The following DGCR2 variants were observed in gnomAD, a reference collection of about 807,000 sequenced individuals.
DGCR2 encodes the protein DiGeorge syndrome critical region gene 2.
In DGCR2, 24 loss-of-function variants were observed where a neutral mutation model predicts 51.6. That is an observed-to-expected ratio of 0.47 (90% CI 0.34 to 0.65). The LOEUF (loss-of-function observed/expected upper bound fraction) is 0.65, where lower values mean the gene tolerates loss of function less well. DGCR2 is among the 30% of genes least tolerant of loss of function. The pLI is 0.01. For synonymous variants in DGCR2, 340 were observed against 315.4 expected, an observed-to-expected ratio of 1.08 and a Z score of -0.82; for missense variants, 765 against 772.1, an observed-to-expected ratio of 0.99 and a Z score of 0.11.
chr22:19,100,202 G>T (rs769307031), intron 1 of DGCR2, among the ~76,000 whole-genome samples: 3 of 151,708 alleles, frequency 2.0e-5, no homozygotes, highest in Non-Finnish European at 4.4e-5. Flanking sequence ...CCGGGGAGGC[G>T]AGGTTGCAGT....
intron 1 of DGCR2, among the ~76,000 whole-genome samples, chr22:19,114,824 T>C (rs1419450256): frequency 1.3e-5 from 2 of 152,032 alleles, no homozygotes; most frequent in African/African-American, 2.4e-5. Flanking sequence ...GAGGGCAGGG[T>C]CTACCTGGGG....
intron 2 of DGCR2, among the ~76,000 whole-genome samples, chr22:19,073,907 C>T (rs917512832): frequency 6.6e-6 from 1 of 152,162 alleles, no homozygotes; most frequent in Non-Finnish European, 1.5e-5. Context: ...GTGAGAGTGA[C>T]TGATTCTCCC....
intron 2 of DGCR2, among the ~76,000 whole-genome samples, chr22:19,070,165 G>A (rs531283163): frequency 5.3e-5 from 8 of 152,252 alleles, no homozygotes; most frequent in African/African-American, 1.9e-4. Flanking sequence ...TAGGAGACTC[G>A]ACCCACAGAC....
intron 7 of DGCR2, chr22:19,045,221 C>T (rs1640039983): frequency 1.3e-5 from 2 of 152,242 alleles, no homozygotes; most frequent in Admixed American, 1.3e-4. Flanking sequence ...TATCCTTTCT[C>T]CACTGAACTG....
intron 1 of DGCR2, among the ~76,000 whole-genome samples, chr22:19,113,859 G>A (rs2083344011): frequency 6.6e-6 from 1 of 152,098 alleles, no homozygotes; most frequent in South Asian, 2.1e-4. Flanking sequence ...GGGAGTTTGA[G>A]ACCAGCCCAG....
rs367842218 is a variant in DGCR2, at chr22:19,089,384, G to A, written c.186C>T (p.Asp62=). ...CACACTCACCTGGACAGTTGGCTTC[G>A]TCGCTCTCATCCTCGCAAGTCGCCC... is the stretch of plus-strand genomic sequence containing the variant. ...DGWATCEDES[D]EANCPEVTGE... Residue 62 remains aspartate (D), a synonymous_variant, in exon 2 of 10, where the codon GAC becomes GAT. Coordinates refer to ENST00000263196, the MANE Select transcript of DGCR2 (RefSeq NM_005137.3). 4.4e-5 allele frequency: 70 copies of A among 1,608,706 alleles called. No individual in the cohort carries two copies. In the African/African-American group the frequency reaches 5.6e-4, roughly 13 times the overall value.
At chr22:19,066,119 G>C (rs1456312759) in intron 3 of DGCR2, among the ~76,000 whole-genome samples, 1 of 152,230 alleles carries the variant, frequency 6.6e-6, no homozygotes, top group Non-Finnish European at 1.5e-5. Flanking sequence ...GAATCAGAGG[G>C]CTGGCAACAG....
chr22:19,117,216 AAG>A (rs2083382808), intron 1 of DGCR2, among the ~76,000 whole-genome samples: 1 of 152,208 alleles, frequency 6.6e-6, no homozygotes, highest in East Asian at 1.9e-4. Context: ...GTACTCTGGG[AAG>A]TGGGAAGGAA....
In DGCR2 at chr22:19,107,170, G is replaced by A. The variant is rs573333166; in HGVS notation, c.79+14958C>T. ...CCAAACCCATTTCCAAACAGCCCCC[G>A]GGGCAAGTGGAATCTCTGAGTGAAG... On this transcript the variant is annotated intron_variant, in intron 1 of 9. Coordinates refer to ENST00000263196, the MANE Select transcript of DGCR2 (RefSeq NM_005137.3). Among the ~76,000 whole-genome samples the A allele has an allele frequency of 4.9e-4, 75 of 152,218 alleles. 1 individual carries two copies. In the South Asian group the frequency reaches 0.014, roughly 29 times the overall value.
At chr22:19,041,575 G>C in intron 8 of DGCR2, 1 of 600,050 alleles carries the variant, frequency 1.7e-6, no homozygotes, top group South Asian at 2.1e-5. Flanking sequence ...GGGTGATCCG[G>C]GCCTCTGACC....
intron 4 of DGCR2, among the ~76,000 whole-genome samples, chr22:19,064,400 CTG>C (rs893164836): frequency 6.6e-5 from 10 of 152,236 alleles, no homozygotes; most frequent in African/African-American, 2.4e-4. Context: ...CAGGGCATAA[CTG>C]TGGAGTCAAA....
At chr22:19,076,906 T>A (rs2082883818) in intron 2 of DGCR2, among the ~76,000 whole-genome samples, 2 of 151,542 alleles carry the variant, frequency 1.3e-5, no homozygotes, top group South Asian at 4.2e-4. Context: ...ATTTTTTGTG[T>A]TTTTTAGTAG....
intron 7 of DGCR2, chr22:19,045,443 A>T (rs937774182): frequency 3.9e-5 from 6 of 152,240 alleles, no homozygotes; most frequent in Non-Finnish European, 7.3e-5. Context: ...CCACTGATCT[A>T]TGTGTCTGCC....
At chr22:19,112,082 G>T (rs1458199408) in intron 1 of DGCR2, among the ~76,000 whole-genome samples, 1 of 151,928 alleles carries the variant, frequency 6.6e-6, no homozygotes, top group Non-Finnish European at 1.5e-5. Context: ...AGACCAGCCT[G>T]GCCATCATGG....
intron 5 of DGCR2, among the ~76,000 whole-genome samples, chr22:19,062,874 C>A (rs2082696804): frequency 6.7e-6 from 1 of 149,720 alleles, no homozygotes; most frequent in Admixed American, 6.6e-5. Flanking sequence ...AGCTTGTCCT[C>A]CCCTCCAGCC....
chr22:19,038,577 CAT>C lies in DGCR2; in HGVS notation c.*286_*287del. 2.1e-6 allele frequency: 1 copy of C among 483,508 alleles called. No homozygotes were observed. Among genetic ancestry groups the C allele is most frequent in the Non-Finnish European group, 3.7e-6 (1 of 272,290 alleles). The allele number at this position is 483,508 out of a possible 1,614,324, so 30.0% of individuals were successfully genotyped here. A position where few individuals can be genotyped will look rare whatever the true frequency, so the allele number is the denominator to read the frequency against. ...TACCTTCTTCATTCCCTGCCTCTAA[CAT>C]GTGCGGTCTGAATGAATTTTGTCAC... On this transcript the variant is annotated 3_prime_UTR_variant, in exon 10 of 10. Coordinates refer to ENST00000263196, the MANE Select transcript of DGCR2 (RefSeq NM_005137.3).
chr22:19,122,098 C>A, intron 1 of DGCR2, 30 bp downstream of exon 1: 1 of 1,469,374 alleles, frequency 6.8e-7, no homozygotes. Flanking sequence ...CGCCGCCCAG[C>A]CCCCACACCG....
At chr22:19,114,003 G>A (rs1391482935) in intron 1 of DGCR2, among the ~76,000 whole-genome samples, 1 of 147,756 alleles carries the variant, frequency 6.8e-6, no homozygotes, top group Non-Finnish European at 1.5e-5. Flanking sequence ...AGGTTGCAGT[G>A]AGCTGAGATT....
chr22:19,122,183 G>A lies in DGCR2; in HGVS notation c.24C>T (p.Gly8=), dbSNP rs774336285. 101 of 1,510,484 alleles carry A rather than the reference G, an allele frequency of 6.7e-5. No homozygotes were observed. The Admixed American group carries it at 1.1e-3, about 16-fold the overall frequency. The allele number at this position is 1,510,484 out of a possible 1,614,324, so 93.6% of individuals were successfully genotyped here. A position where few individuals can be genotyped will look rare whatever the true frequency, so the allele number is the denominator to read the frequency against. The change falls in exon 1 of 10, where the codon GGC becomes GGT. Residue 8 remains glycine, a synonymous_variant. Coordinates refer to ENST00000263196, the MANE Select transcript of DGCR2 (RefSeq NM_005137.3). Reference sequence around the variant, plus strand: ...CGAGCAGGAAGAGCAGCAGGAAGGCGCCGCTGTCTGCCTTGGGCACCATTT... The same window carrying A: ...CGAGCAGGAAGAGCAGCAGGAAGGCACCGCTGTCTGCCTTGGGCACCATTT... MVPKADS[G]AFLLLFLLVL... is the part of the protein sequence containing the mutation.
Sources: allele counts gnomAD v4.1 joint callset (sites outside exome capture counted in the v4.1 genomes callset), GRCh38; gene constraint gnomAD v4.1.1; transcripts MANE v1.5; gene names NCBI Gene and HGNC (gene_info 2026-07-23, HGNC 2026-07-21).